Variants in INSC observed in about 807,000 individuals in gnomAD.
The protein encoded by INSC is INSC spindle orientation adaptor protein, also known as protein inscuteable homolog.
Under a neutral mutation model 58.6 loss-of-function variants are expected in INSC, and 67 were observed. That is an observed-to-expected ratio of 1.14 (90% CI 0.94 to 1.40). The LOEUF (loss-of-function observed/expected upper bound fraction) is 1.40. INSC is among the 40% of genes most tolerant of loss of function. INSC has a pLI of 0.00. For synonymous variants in INSC, 262 were observed against 276.1 expected (o/e 0.95, Z 0.51); for missense variants, 714 against 692.0 (o/e 1.03, Z -0.36).
At chr11:15,172,451 G>A (rs982312368) in intron 2 of INSC, among the ~76,000 whole-genome samples, 2 of 152,164 alleles carry the variant, frequency 1.3e-5, no homozygotes, top group African/African-American at 4.8e-5. Flanking sequence ...TCAGACACTG[G>A]CAATAAGCCA....
At chr11:15,247,849 G>C (rs1213786927), downstream of INSC, among the ~76,000 whole-genome samples, 1 of 151,644 alleles carries the variant, frequency 6.6e-6, no homozygotes, top group Non-Finnish European at 1.5e-5. Flanking sequence ...GATCTCATCT[G>C]AAAAGTTTTT....
intron 7 of INSC, among the ~76,000 whole-genome samples, chr11:15,217,300 A>G (rs1445941024): frequency 6.6e-6 from 1 of 152,214 alleles, no homozygotes; most frequent in Non-Finnish European, 1.5e-5. Flanking sequence ...TATCACAAGA[A>G]CAGCATGACT....
At chr11:15,129,065 G>A (rs1484416381) in intron 1 of INSC, among the ~76,000 whole-genome samples, 1 of 152,180 alleles carries the variant, frequency 6.6e-6, no homozygotes. Context: ...AACCTCAAGG[G>A]TAGAAGTATG....
intron 4 of INSC, 107 bp from the exon 5 acceptor site, chr11:15,178,217 T>A (rs1849639274): frequency 2.1e-6 from 3 of 1,460,636 alleles, no homozygotes; most frequent in Admixed American, 2.0e-5. Flanking sequence ...TGCCAATGTC[T>A]TCAGCACACA....
the INSC span, among the ~76,000 whole-genome samples, chr11:15,259,379 T>C: frequency 6.6e-6 from 1 of 152,194 alleles, no homozygotes; most frequent in Non-Finnish European, 1.5e-5. Flanking sequence ...TCTATTGTGG[T>C]ATGCATGTTG....
chr11:15,200,930 G>T lies in INSC; in HGVS notation c.800G>T (p.Gly267Val), dbSNP rs1850565588. The change falls in exon 7 of 13, where the codon GGT becomes GTT. Residue 267 changes from glycine (G) to valine (V), a missense_variant. Physicochemically the swap from Gly to Val is moderately radical, Grantham distance 109 (BLOSUM62 -3). Transcript: ENST00000379556. Reference protein sequence around the residue: ...TLASICCVEEGVHQLEKVDGV... With the variant: ...TLASICCVEEVVHQLEKVDGV... ...GCCTCCATCTGCTGCGTGGAAGAGG[G>T]TGTCCACCAGCTGGAGAAGGTAAGG... 1.2e-6 allele frequency: 2 copies of T among 1,609,424 alleles called. No homozygotes were observed. The highest frequency in any genetic ancestry group is 1.7e-6 in the Non-Finnish European group (2 of 1,178,164).
chr11:15,149,152 C>T lies in INSC; in HGVS notation c.-23C>T. 4 of 1,611,000 alleles carry T rather than the reference C, an allele frequency of 2.5e-6. No individual in the cohort carries two copies. The highest frequency in any genetic ancestry group is 3.4e-6 in the Non-Finnish European group (4 of 1,178,652). On this transcript the variant is annotated 5_prime_UTR_variant, in exon 2 of 13. Transcript: ENST00000379556. ...CAGGGTCACGACCGCTGCAAGCAGG[C>T]TTTGCTGCAGATTGGGATCAACATG... is the stretch of plus-strand genomic sequence containing the variant.
Position 15,225,715 on chromosome 11 carries a change from A to G in INSC, c.1057A>G (p.Thr353Ala). 6.2e-7 allele frequency: 1 copy of G among 1,613,986 alleles called. No individual in the cohort carries two copies. Among genetic ancestry groups the G allele is most frequent in the Non-Finnish European group, 8.5e-7 (1 of 1,179,984 alleles). ...GGCCTCTGCGGCCCTTGCCAACATCACGTTCTTTGACACAATGGCCTGCGA... is the reference window on the plus strand; with the variant it reads ...GGCCTCTGCGGCCCTTGCCAACATCGCGTTCTTTGACACAATGGCCTGCGA... ...LLASAALANI[T>A]FFDTMACEML... Residue 353 changes from threonine (T) to alanine (A), a missense_variant, in exon 9 of 13, where the codon ACG (threonine) becomes GCG (alanine). By Grantham distance (58) the Thr-to-Ala change is moderately conservative. Transcript: ENST00000379556.
intron 7 of INSC, among the ~76,000 whole-genome samples, chr11:15,208,771 A>G (rs972767393): frequency 6.6e-6 from 1 of 152,062 alleles, no homozygotes; most frequent in Non-Finnish European, 1.5e-5. Flanking sequence ...CTCCATCCGC[A>G]GAGGCTCGGT....
At chr11:15,191,980 A>G (rs995027970) in intron 6 of INSC, among the ~76,000 whole-genome samples, 1 of 152,200 alleles carries the variant, frequency 6.6e-6, no homozygotes, top group Non-Finnish European at 1.5e-5. Context: ...TCCTCCCAAA[A>G]CAGGAGGCTG....
upstream of INSC, chr11:15,114,845 G>A (rs934320758): frequency 2.6e-6 from 2 of 767,086 alleles, no homozygotes; most frequent in Non-Finnish European, 3.2e-6. Flanking sequence ...GCCTCGGAGA[G>A]GGCGGGCGGG....
intron 5 of INSC, among the ~76,000 whole-genome samples, chr11:15,187,312 G>A (rs1233461473): frequency 6.6e-6 from 1 of 151,516 alleles, no homozygotes; most frequent in East Asian, 1.9e-4. Context: ...CAGATTCAAG[G>A]GAAGGGGAAT....
intron 1 of INSC, among the ~76,000 whole-genome samples, chr11:15,134,269 A>G (rs1420641678): frequency 6.6e-6 from 1 of 152,216 alleles, no homozygotes; most frequent in Non-Finnish European, 1.5e-5. Context: ...AAAAGAAAAT[A>G]TGGTTCCAAT....
At chr11:15,122,737 C>G (rs1385787310) in intron 1 of INSC, among the ~76,000 whole-genome samples, 1 of 152,146 alleles carries the variant, frequency 6.6e-6, no homozygotes, top group South Asian at 2.1e-4. Context: ...CAGCATCATC[C>G]TAGTTCATGG....
intron 8 of INSC, 43 bp downstream of exon 8, chr11:15,221,691 T>TTCA (rs753613256): frequency 1.3e-6 from 2 of 1,543,380 alleles, no homozygotes; most frequent in African/African-American, 2.7e-5. Context: ...GAGAGGGCCT[T>TTCA]GGCACAGTTG....
chr11:15,174,945 T>A (rs1238329537), intron 2 of INSC, among the ~76,000 whole-genome samples: 1 of 152,232 alleles, frequency 6.6e-6, no homozygotes, highest in Non-Finnish European at 1.5e-5. Context: ...TTACTGACTT[T>A]TACTTGACTC....
At position 15,225,697 on chromosome 11, in the gene INSC, G is replaced by A. The variant is rs773091418; in HGVS notation, c.1039G>A (p.Ala347Thr). Residue 347 changes from alanine (A) to threonine (T), a missense_variant, in exon 9 of 13, where the codon GCG becomes ACG. Physicochemically the swap from Ala to Thr is moderately conservative, Grantham distance 58. Coordinates refer to ENST00000379556, the MANE Select transcript of INSC (RefSeq NM_001042536.3). ...SSGEVFLLASAALANITFFDT... is the reference protein window; with the variant it reads ...SSGEVFLLASTALANITFFDT... Reference sequence around the variant, plus strand: ...AGGGGAAGTCTTCCTACTGGCCTCTGCGGCCCTTGCCAACATCACGTTCTT... The same window carrying A: ...AGGGGAAGTCTTCCTACTGGCCTCTACGGCCCTTGCCAACATCACGTTCTT... The A allele has an allele frequency of 1.9e-6, 3 of 1,614,184 alleles. No homozygotes were observed. The highest frequency in any genetic ancestry group is 2.5e-6 in the Non-Finnish European group (3 of 1,180,030).
intron 7 of INSC, among the ~76,000 whole-genome samples, chr11:15,214,204 A>T (rs1851129690): frequency 6.6e-6 from 1 of 152,206 alleles, no homozygotes. Context: ...GAACAGGTCC[A>T]TCCTGCCTAG....
intron 1 of INSC, among the ~76,000 whole-genome samples, chr11:15,145,027 G>A (rs1353460189): frequency 6.6e-6 from 1 of 152,104 alleles, no homozygotes; most frequent in African/African-American, 2.4e-5. Flanking sequence ...GGTGATGGAG[G>A]GATTTCTTCT....
Sources: allele counts gnomAD v4.1 joint callset (sites outside exome capture counted in the v4.1 genomes callset), GRCh38; gene constraint gnomAD v4.1.1; transcripts MANE v1.5; gene names NCBI Gene and HGNC (gene_info 2026-07-23, HGNC 2026-07-21).